ERICH2: variants seen among roughly 807,000 people sequenced by gnomAD.
ERICH2 encodes the protein glutamate rich 2, also known as glutamate-rich protein 2.
ERICH2 carries 17 observed loss-of-function variants against 17.4 expected under a neutral mutation model. The observed-to-expected ratio is 0.98, with a 90% CI of 0.67 to 1.47. The LOEUF is 1.47. Among genes scored for constraint, ERICH2 ranks in the 40% most tolerant of loss-of-function variants. ERICH2 has a pLI of 0.00. For missense variants in ERICH2, 186 were observed against 183.2 expected (o/e 1.01, Z -0.09); for synonymous variants, 51 against 61.1 (o/e 0.83, Z 0.77).
chr2:170,777,357 T>C, the ERICH2 span: 1 of 1,044,632 alleles, frequency 9.6e-7, no homozygotes, highest in African/African-American at 1.7e-5. Context: ...TGCTAGTTTT[T>C]ATTTCTGCTT....
the ERICH2 span, among the ~76,000 whole-genome samples, chr2:170,773,417 C>T: frequency 2.6e-5 from 4 of 152,210 alleles, no homozygotes; most frequent in Admixed American, 6.5e-5. Flanking sequence ...GTTCTGCCTC[C>T]ACTGCCTGCT....
intron 2 of ERICH2, among the ~76,000 whole-genome samples, chr2:170,790,398 A>G (rs1244714956): frequency 6.6e-6 from 1 of 152,204 alleles, no homozygotes; most frequent in Non-Finnish European, 1.5e-5. Context: ...AGGCCAAGGC[A>G]GGCGGATCAC....
chr2:170,798,656 G>A (rs1701488530), intron 4 of ERICH2, 114 bp from the exon 10 acceptor site: 1 of 1,328,382 alleles, frequency 7.5e-7, no homozygotes, highest in Non-Finnish European at 1.0e-6. Context: ...GTCCAACTCA[G>A]TTCTTATGTT....
chr2:170,797,964 A>G, intron 3 of ERICH2, 77 bp from the exon 9 acceptor site: 1 of 974,018 alleles, frequency 1.0e-6, no homozygotes, highest in Non-Finnish European at 1.6e-6. Flanking sequence ...TGACAGTTCA[A>G]TTTCATTCTA....
chr2:170,770,783 G>A, the ERICH2 span: 35 of 154,928 alleles, frequency 2.3e-4, no homozygotes, highest in Non-Finnish European at 1.5e-5. Context: ...CCAGTTTCCG[G>A]CGCCGCGGGA....
chr2:170,781,857 T>C (rs978197815), upstream of ERICH2, among the ~76,000 whole-genome samples: 1 of 142,154 alleles, frequency 7.0e-6, no homozygotes, highest in African/African-American at 2.5e-5. Context: ...AGTGTTGGAC[T>C]CTGCATAAGC....
At chr2:170,788,280 C>T (rs77254937) in intron 2 of ERICH2, among the ~76,000 whole-genome samples, 1,988 of 152,302 alleles carry the variant, frequency 0.013, 14 homozygotes, top group Non-Finnish European at 0.021. Context: ...ATGACCCTAT[C>T]TACCATAACT....
the ERICH2 span, chr2:170,771,047 C>G: frequency 6.2e-3 from 942 of 151,578 alleles, 2 homozygotes; most frequent in Non-Finnish European, 9.1e-3. The surrounding 1 kb of genome is among the most constrained non-coding windows in gnomAD (Gnocchi z 4.8). Context: ...GGCTGCTGCC[C>G]GAGCTTCCTC....
chr2:170,798,946 C>T (rs940100221), exon 5 of ERICH2: 6 of 1,527,292 alleles, frequency 3.9e-6, no homozygotes, highest in Middle Eastern at 3.4e-4. Flanking sequence ...GTATACCATG[C>T]AAATATAAAG....
chr2:170,777,483 A>C, the ERICH2 span: 1 of 1,130,894 alleles, frequency 8.8e-7, no homozygotes, highest in Non-Finnish European at 1.1e-6. Context: ...CCTAAATAGT[A>C]AGAAGACTAT....
rs1230887936 is a variant in ERICH2 at position 170,795,763 on chromosome 2, A to C, written c.275-2278A>C. 1.5e-4 allele frequency among the ~76,000 whole-genome samples: 23 copies of C among 152,146 alleles called. 1 individual carries two copies. Among genetic ancestry groups the C allele is most frequent in the Admixed American group, 6.5e-5 (1 of 15,268 alleles). The stretch of plus-strand genomic sequence containing the variant: ...CAATCAATCTTCCTATTTTTTGGTC[A>C]CTTCACCTGTAAGTCAAAAGCCTGC... On this transcript the variant is annotated intron_variant, in intron 3 of 4. Transcript: ENST00000409885.
intron 1 of ERICH2, among the ~76,000 whole-genome samples, chr2:170,784,170 G>A (rs1407780980): frequency 6.6e-6 from 1 of 152,128 alleles, no homozygotes; most frequent in Non-Finnish European, 1.5e-5. Flanking sequence ...AGAAGGGGTG[G>A]ATGTAACACA....
intron 3 of ERICH2, among the ~76,000 whole-genome samples, chr2:170,796,433 T>G (rs1231301551): frequency 4.0e-4 from 10 of 25,006 alleles, no homozygotes; most frequent in African/African-American, 8.6e-4. Context: ...TCTTTGTTTT[T>G]TTTTTTGTTT....
chr2:170,793,671 C>T (rs1042769411), intron 3 of ERICH2, among the ~76,000 whole-genome samples: 1 of 152,226 alleles, frequency 6.6e-6, no homozygotes, highest in Non-Finnish European at 1.5e-5. Flanking sequence ...TCAGAGGCGT[C>T]ATAGGCAAGG....
At chr2:170,790,325 T>C (rs941903068) in intron 2 of ERICH2, among the ~76,000 whole-genome samples, 2 of 150,752 alleles carry the variant, frequency 1.3e-5, no homozygotes, top group Non-Finnish European at 3.0e-5. Context: ...TGAAATCTCA[T>C]CTCTACTAAA....
At chr2:170,798,648 C>T in intron 4 of ERICH2, 122 bp from the exon 10 acceptor site, 1 of 1,222,488 alleles carries the variant, frequency 8.2e-7, no homozygotes, top group Non-Finnish European at 1.1e-6. Context: ...TTAGCCAAGT[C>T]CAACTCAGTT....
chr2:170,785,372 G>T (rs974224262), intron 2 of ERICH2, among the ~76,000 whole-genome samples: 1 of 152,072 alleles, frequency 6.6e-6, no homozygotes, highest in Admixed American at 6.6e-5. Context: ...AGAAGATTCT[G>T]GAAGGGACAT....
upstream of ERICH2, chr2:170,783,781 G>T (rs764579803): frequency 6.5e-7 from 1 of 1,549,964 alleles, no homozygotes; most frequent in Non-Finnish European, 8.7e-7. Context: ...TGACATCAGT[G>T]CATTGAGTCA....
chr2:170,790,536 A>G (rs1701263900), intron 2 of ERICH2, among the ~76,000 whole-genome samples: 1 of 152,232 alleles, frequency 6.6e-6, no homozygotes, highest in African/African-American at 2.4e-5. Flanking sequence ...CTGAGGCAGG[A>G]GAATCTCTTG....
Sources: allele counts gnomAD v4.1 joint callset (sites outside exome capture counted in the v4.1 genomes callset), GRCh38; gene constraint gnomAD v4.1.1; non-coding constraint Gnocchi (gnomAD v3.1); transcripts MANE v1.5; gene names NCBI Gene and HGNC (gene_info 2026-07-23, HGNC 2026-07-21).